Variants in PATJ observed in about 807,000 individuals in gnomAD.
The protein encoded by PATJ is PATJ crumbs cell polarity complex component.
Under a neutral mutation model 224.9 loss-of-function variants are expected in PATJ, and 190 were observed. That is an observed-to-expected ratio of 0.84 (90% CI 0.75 to 0.95). The LOEUF (loss-of-function observed/expected upper bound fraction) is 0.95, where lower values mean the gene tolerates loss of function less well. Ranked by LOEUF, PATJ falls within the 40% of genes least tolerant of loss-of-function variation. The pLI is 0.00. For synonymous variants in PATJ, 769 were observed against 820.3 expected, an observed-to-expected ratio of 0.94 and a Z score of 1.07; for missense variants, 2,121 against 2,270.3, an observed-to-expected ratio of 0.93 and a Z score of 1.34.
At chr1:61,879,786 A>G (rs564343599) in intron 21 of PATJ, among the ~76,000 whole-genome samples, 1 of 151,398 alleles carries the variant, frequency 6.6e-6, no homozygotes, top group East Asian at 1.9e-4. Context: ...GCAGATTTTT[A>G]TGGGACTGAT....
intron 32 of PATJ, among the ~76,000 whole-genome samples, chr1:62,080,649 A>C (rs1165659645): frequency 5.3e-5 from 8 of 152,198 alleles, no homozygotes; most frequent in African/African-American, 1.7e-4. Context: ...GCTTTTGTGC[A>C]GTATACATCA....
intron 28 of PATJ, among the ~76,000 whole-genome samples, chr1:62,009,479 T>C (rs1251006747): frequency 6.6e-6 from 1 of 152,224 alleles, no homozygotes; most frequent in Non-Finnish European, 1.5e-5. Flanking sequence ...CAAGTTGTCA[T>C]CTTTTTGCTG....
intron 41 of PATJ, among the ~76,000 whole-genome samples, chr1:62,139,271 G>A (rs1389123570): frequency 6.6e-6 from 1 of 151,704 alleles, no homozygotes; most frequent in East Asian, 1.9e-4. Context: ...CGTGGTGGCG[G>A]GCGCCTGTAG....
intron 41 of PATJ, among the ~76,000 whole-genome samples, chr1:62,146,777 C>T (rs1668082364): frequency 6.6e-6 from 1 of 151,266 alleles, no homozygotes; most frequent in Admixed American, 6.6e-5. Context: ...AACTCCATCT[C>T]AAAAAAATAA....
intron 42 of PATJ, among the ~76,000 whole-genome samples, chr1:62,150,315 A>G (rs1668490706): frequency 1.3e-5 from 2 of 152,190 alleles, no homozygotes; most frequent in African/African-American, 2.4e-5. Context: ...TAGAAATGTA[A>G]GTAAAGATAT....
chr1:61,789,846 A>G (rs1649411107), intron 8 of PATJ, among the ~76,000 whole-genome samples: 1 of 151,988 alleles, frequency 6.6e-6, no homozygotes, highest in Admixed American at 6.6e-5. Context: ...TTGTGGTTAC[A>G]TTTTCTTTTT....
At chr1:62,089,503 G>A (rs1170320561) in intron 33 of PATJ, among the ~76,000 whole-genome samples, 1 of 152,056 alleles carries the variant, frequency 6.6e-6, no homozygotes, top group Non-Finnish European at 1.5e-5. Flanking sequence ...TGAGGGATGG[G>A]ACACAGCTTT....
intron 30 of PATJ, among the ~76,000 whole-genome samples, chr1:62,040,069 G>A (rs1570266100): frequency 1.3e-5 from 2 of 151,858 alleles, no homozygotes; most frequent in Admixed American, 1.3e-4. Context: ...CTGGTGAAGG[G>A]GAGGTAAAAG....
intron 9 of PATJ, among the ~76,000 whole-genome samples, chr1:61,792,346 C>CA (rs1650058159): frequency 6.6e-6 from 1 of 151,948 alleles, no homozygotes. Flanking sequence ...AATAATGTTG[C>CA]AAAAAACCAC....
At chr1:61,988,392 A>T (rs1644880725) in intron 27 of PATJ, among the ~76,000 whole-genome samples, 1 of 152,166 alleles carries the variant, frequency 6.6e-6, no homozygotes, top group Admixed American at 6.5e-5. Context: ...ATGCTGTGTG[A>T]GCATCTTTAC....
rs1487209757 is a variant in PATJ at position 62,162,378 on chromosome 1, A to C, written c.*1324A>C. 2 of 152,262 alleles carry C rather than the reference A, an allele frequency of 1.3e-5. No individual in the cohort carries two copies. The highest frequency in any genetic ancestry group is 2.9e-5 in the Non-Finnish European group (2 of 68,068). 9.4% of individuals were successfully genotyped at this position (152,262 alleles called of 1,614,324 possible). On this transcript the variant is annotated 3_prime_UTR_variant, in exon 44 of 44. Coordinates refer to ENST00000642238, the MANE Select transcript of PATJ (RefSeq NM_001350145.3). ...ATTTCCCTTTACCTCCATAGTAGTC[A>C]GGCCAGCAGCATGGACTGCAAGAAC... is the stretch of plus-strand genomic sequence containing the variant.
At chr1:62,145,950 T>G (rs1458171418) in intron 41 of PATJ, among the ~76,000 whole-genome samples, 1 of 151,964 alleles carries the variant, frequency 6.6e-6, no homozygotes, top group Non-Finnish European at 1.5e-5. Context: ...AGAGTGAGAC[T>G]CTGTCTCAAA....
intron 10 of PATJ, among the ~76,000 whole-genome samples, chr1:61,796,141 T>C (rs1165792611): frequency 6.6e-6 from 1 of 152,210 alleles, no homozygotes; most frequent in African/African-American, 2.4e-5. Context: ...GGTGGTATGC[T>C]TTGAATCCTT....
Position 61,769,307 on chromosome 1 carries a change from A to G in PATJ, c.409A>G (p.Ile137Val), listed in dbSNP as rs768309066. ...GGGCCGGCAAATTGAATATATAGAT[A>G]TAGAACGGCCTTCAACTGGAGGCCT... is the stretch of plus-strand genomic sequence containing the variant. ...AQGRQIEYID[I>V]ERPSTGGLGF... is the part of the protein sequence containing the mutation. Residue 137 changes from isoleucine to valine, a missense_variant, in exon 5 of 44, where the codon ATA becomes GTA. By Grantham distance (29) the Ile-to-Val change is conservative. Transcript: ENST00000642238. The G allele has an allele frequency of 3.1e-6, 5 of 1,612,886 alleles. No homozygotes were observed. The highest frequency in any genetic ancestry group is 4.2e-6 in the Non-Finnish European group (5 of 1,179,760).
At chr1:62,079,605 C>A in intron 32 of PATJ, 38 bp downstream of exon 32, 2 of 1,352,272 alleles carry the variant, frequency 1.5e-6, no homozygotes, top group Non-Finnish European at 2.1e-6. Context: ...GCTCATTAAG[C>A]CTTAGAGAAG....
Position 62,160,946 on chromosome 1 carries a change from T to C in PATJ, c.5541T>C (p.Asp1847=). ...ATGACGGCCGATTAAAACGAGGGGATCAGATTTTAGCTGTTAATGGCGAGA... is the reference window on the plus strand; with the variant it reads ...ATGACGGCCGATTAAAACGAGGGGACCAGATTTTAGCTGTTAATGGCGAGA... ...AADDGRLKRG[D]QILAVNGETL... The change falls in exon 44 of 44, where the codon GAT becomes GAC. Residue 1847 remains aspartate, a synonymous_variant. Coordinates refer to ENST00000642238, the MANE Select transcript of PATJ (RefSeq NM_001350145.3). 1 of 1,614,004 alleles carries C rather than the reference T, an allele frequency of 6.2e-7. No individual in the cohort carries two copies. The highest frequency in any genetic ancestry group is 1.1e-5 in the South Asian group (1 of 91,054).
intron 1 of PATJ, among the ~76,000 whole-genome samples, chr1:61,756,483 C>A (rs562572543): frequency 3.3e-5 from 5 of 151,732 alleles, no homozygotes; most frequent in African/African-American, 1.2e-4. Context: ...TTTAACAAGC[C>A]CTACAGGTGA....
chr1:61,840,735 T>A (rs1259271814), intron 17 of PATJ, among the ~76,000 whole-genome samples: 1 of 152,046 alleles, frequency 6.6e-6, no homozygotes, highest in Non-Finnish European at 1.5e-5. Context: ...ACTCTTTTGT[T>A]AAAAGGTGGG....
intron 31 of PATJ, among the ~76,000 whole-genome samples, chr1:62,053,238 C>T (rs776808550): frequency 1.3e-5 from 2 of 152,186 alleles, no homozygotes; most frequent in Non-Finnish European, 2.9e-5. Flanking sequence ...TTCCCATACC[C>T]ATTGACTAGT....
Sources: gnomAD v4.1 joint callset for allele counts (sites outside exome capture counted in the v4.1 genomes callset) on GRCh38, gnomAD v4.1.1 for gene constraint, MANE v1.5 for transcripts, NCBI Gene and HGNC (gene_info 2026-07-23, HGNC 2026-07-21) for gene names.